ZNF878: variants seen among roughly 807,000 people sequenced by gnomAD.
The protein encoded by ZNF878 is zinc finger protein 878.
ZNF878 carries 10 observed loss-of-function variants against 11.1 expected under a neutral mutation model. The observed-to-expected ratio is 0.90, with a 90% CI of 0.56 to 1.53. The LOEUF is 1.53. Ranked by LOEUF, ZNF878 falls within the 40% of genes most tolerant of loss-of-function variation. The probability of loss-of-function intolerance (pLI) is 0.00; values close to 1 mark genes in which losing one functional copy is unlikely to be tolerated. For synonymous variants in ZNF878, 165 were observed against 209.7 expected (o/e 0.79, Z 1.84); for missense variants, 548 against 626.1 (o/e 0.88, Z 1.33).
Position 12,052,863 on chromosome 19 carries a change from G to C in ZNF878, c.-62C>G. ...GGTCCCGTGAACAGTGCAGGTCACA[G>C]CGCAGTCGACAGAGCAACAGCAGCT... is the stretch of plus-strand genomic sequence containing the variant. On this transcript the variant is annotated 5_prime_UTR_variant, in exon 1 of 4. Transcript: ENST00000547628. 1 of 1,533,538 alleles carries C rather than the reference G, an allele frequency of 6.5e-7. No individual in the cohort carries two copies. The highest frequency in any genetic ancestry group is 8.7e-7 in the Non-Finnish European group (1 of 1,145,518). The allele number at this position is 1,533,538 out of a possible 1,614,324, so 95.0% of individuals were successfully genotyped here.
chr19:12,045,108 C>G lies in ZNF878; in HGVS notation c.293G>C (p.Gly98Ala). 1 of 1,613,264 alleles carries G rather than the reference C, an allele frequency of 6.2e-7. No homozygotes were observed. The highest frequency in any genetic ancestry group is 8.5e-7 in the Non-Finnish European group (1 of 1,179,554). The change falls in exon 4 of 4, where the codon GGA (glycine) becomes GCA (alanine). Residue 98 changes from glycine to alanine, a missense_variant. Physicochemically the swap from Gly to Ala is moderately conservative, Grantham distance 60. Transcript: ENST00000547628. ...PDDTLKKKTP[G>A]VQSYESSVCG... ...CACACTGCTTTCATATGATTGTACT[C>G]CAGGAGTTTTCTTCTTCAGTGTGTC... is the stretch of plus-strand genomic sequence containing the variant.
Position 12,045,040 on chromosome 19 carries a change from G to C in ZNF878, c.361C>G (p.Leu121Val). Residue 121 changes from leucine (L) to valine (V), a missense_variant, in exon 4 of 4, where the codon CTC (leucine) becomes GTC (valine). Leu to Val is a conservative substitution (Grantham distance 32). Around this residue, in one of 3 missense-constraint regions of ZNF878, gnomAD observed 160 missense variants for 173.3 expected, o/e 0.92. Coordinates refer to ENST00000547628, the MANE Select transcript of ZNF878 (RefSeq NM_001080404.3). ...GIGLSSLNRH[L>V]RAFSYSSSLA... ...CTACTGGAATAACTAAAGGCTCTGAGGTGCCTATTAAGGGATGAAAGACCT... is the reference window on the plus strand; with the variant it reads ...CTACTGGAATAACTAAAGGCTCTGACGTGCCTATTAAGGGATGAAAGACCT... The C allele has an allele frequency of 1.9e-6, 3 of 1,614,044 alleles. No homozygotes were observed. Among genetic ancestry groups the C allele is most frequent in the Non-Finnish European group, 2.5e-6 (3 of 1,179,994 alleles).
intron 1 of ZNF878, among the ~76,000 whole-genome samples, chr19:12,050,010 A>G (rs1975535327): frequency 6.6e-6 from 1 of 152,068 alleles, no homozygotes; most frequent in Non-Finnish European, 1.5e-5. Flanking sequence ...AGATCACCTG[A>G]GATCAGGAGT....
intron 3 of ZNF878, 36 bp from the exon 4 acceptor site, chr19:12,045,245 C>G (rs761753623): frequency 1.3e-6 from 2 of 1,485,418 alleles, no homozygotes; most frequent in Admixed American, 4.6e-5. Context: ...ATGGGTTTAT[C>G]ACTAATTTTA....
In ZNF878 at chr19:12,051,376, G is replaced by A. The variant is rs568717063; in HGVS notation, c.3+1423C>T. 4.6e-5 allele frequency among the ~76,000 whole-genome samples: 7 copies of A among 151,864 alleles called. 1 individual carries two copies. The South Asian group carries it at 1.2e-3, about 27-fold the overall frequency. On this transcript the variant is annotated intron_variant, in intron 1 of 3. Transcript: ENST00000547628. ...ACTAATTAGTTGTATTAAATTAATTGTACAATTAATTTAGTTGTACTAATT... is the reference window on the plus strand; with the variant it reads ...ACTAATTAGTTGTATTAAATTAATTATACAATTAATTTAGTTGTACTAATT...
intron 3 of ZNF878, 87 bp downstream of exon 3, chr19:12,046,281 G>A (rs1046879382): frequency 2.9e-6 from 3 of 1,041,916 alleles, no homozygotes; most frequent in Admixed American, 5.5e-5. Context: ...AACTAGGTTT[G>A]TTTCTTATGC....
intron 1 of ZNF878, among the ~76,000 whole-genome samples, chr19:12,048,865 AAAAG>A (rs1975522173): frequency 1.3e-5 from 2 of 151,274 alleles, no homozygotes; most frequent in Admixed American, 6.6e-5. Context: ...AAAAGAAAAG[AAAAG>A]AAAGAAAGGC....
chr19:12,048,247 G>T lies in ZNF878; in HGVS notation c.4-1487C>A, dbSNP rs184435074. ...AATATGGCAGGCCTGGGCTGGGCGC[G>T]GTGGCTCATGCCTGTAATCCCAGCA... On this transcript the variant is annotated intron_variant, in intron 1 of 3. Coordinates refer to ENST00000547628, the MANE Select transcript of ZNF878 (RefSeq NM_001080404.3). Among the ~76,000 whole-genome samples, 301 of 151,108 alleles carry T rather than the reference G, an allele frequency of 2.0e-3. 2 individuals carry two copies. Among genetic ancestry groups the T allele is most frequent in the Middle Eastern group, 3.4e-3 (1 of 290 alleles).
rs528136140 is a variant in ZNF878, at chr19:12,050,727, C to T, written c.3+2072G>A. ...ATAGACTAACTTCCCTCTTACTTTT[C>T]TTACACAAAGACTTCATGGCCATCA... is the stretch of plus-strand genomic sequence containing the variant. On this transcript the variant is annotated intron_variant, in intron 1 of 3. Transcript: ENST00000547628. Among the ~76,000 whole-genome samples, 25 of 152,314 alleles carry T rather than the reference C, an allele frequency of 1.6e-4. No homozygotes were observed. In the East Asian group the frequency reaches 4.6e-3, roughly 28 times the overall value.
intron 2 of ZNF878, 55 bp downstream of exon 2, chr19:12,046,577 TGA>T: frequency 1.2e-6 from 2 of 1,608,828 alleles, no homozygotes; most frequent in Non-Finnish European, 1.7e-6. Context: ...ACAGCACTGA[TGA>T]GCTAGAAACA....
chr19:12,050,953 G>A (rs913696045), intron 1 of ZNF878, among the ~76,000 whole-genome samples: 1 of 151,852 alleles, frequency 6.6e-6, no homozygotes, highest in Non-Finnish European at 1.5e-5. Context: ...AAAATTAGCC[G>A]GGCGCGGTGG....
In ZNF878 at chr19:12,046,617, A is replaced by G. The variant is rs1343953466; in HGVS notation, c.130+17T>C. ...TGTTCTTTAATTCACTGAGGGAAGTAATACTGTCATTCTTACCTATGGAGG... is the reference window on the plus strand; with the variant it reads ...TGTTCTTTAATTCACTGAGGGAAGTGATACTGTCATTCTTACCTATGGAGG... On this transcript the variant is annotated intron_variant, in intron 2 of 3. Coordinates refer to ENST00000547628, the MANE Select transcript of ZNF878 (RefSeq NM_001080404.3). 1.2e-6 allele frequency: 2 copies of G among 1,613,912 alleles called. No homozygotes were observed. Among genetic ancestry groups the G allele is most frequent in the Non-Finnish European group, 8.5e-7 (1 of 1,179,906 alleles).
chr19:12,045,745 T>C (rs1409194191), intron 3 of ZNF878, among the ~76,000 whole-genome samples: 1 of 152,098 alleles, frequency 6.6e-6, no homozygotes, highest in East Asian at 1.9e-4. Flanking sequence ...TATTTATTTA[T>C]GAGACCAAGT....
chr19:12,043,895 A>T lies in ZNF878; in HGVS notation c.1506T>A (p.Thr502=). 6.2e-7 allele frequency: 1 copy of T among 1,613,756 alleles called. No individual in the cohort carries two copies. The highest frequency in any genetic ancestry group is 8.5e-7 in the Non-Finnish European group (1 of 1,179,916). The change falls in exon 4 of 4, where the codon ACT becomes ACA. Residue 502 remains threonine, a synonymous_variant. Coordinates refer to ENST00000547628, the MANE Select transcript of ZNF878 (RefSeq NM_001080404.3). ...GCTTACACTCATAGGGTTTCTCTCC[A>T]GTATGAATCCTTTCATGGTAGAGAA... ...NSFLYHERIH[T]GEKPYECKQC... is the part of the protein sequence containing the mutation.
intron 1 of ZNF878, among the ~76,000 whole-genome samples, chr19:12,047,117 G>T (rs76309713): frequency 2.6e-5 from 4 of 152,088 alleles, no homozygotes; most frequent in African/African-American, 9.7e-5. Flanking sequence ...CAAATTTAAC[G>T]TGAGCAGCCC....
rs962100656 is a variant in ZNF878 at position 12,044,695 on chromosome 19, A to C, written c.706T>G (p.Phe236Val). 1 of 1,613,992 alleles carries C rather than the reference A, an allele frequency of 6.2e-7. No homozygotes were observed. Among genetic ancestry groups the C allele is most frequent in the African/African-American group, 1.3e-5 (1 of 74,898 alleles). ...CTTTTTAACGAACTGGGAGAAAAAA[A>C]GGCTTTCCCACATATGTTACATTTA... ...PHKCNICGKA[F>V]FSPSSLKRHE... The change falls in exon 4 of 4, where the codon TTT becomes GTT. Residue 236 changes from phenylalanine to valine, a missense_variant. Phe to Val is a conservative substitution (Grantham distance 50). Around this residue, in one of 3 missense-constraint regions of ZNF878, gnomAD observed 335 missense variants for 358.2 expected, o/e 0.94. Transcript: ENST00000547628.
intron 3 of ZNF878, 66 bp downstream of exon 3, chr19:12,046,302 T>C (rs1393490119): frequency 2.4e-6 from 3 of 1,228,394 alleles, no homozygotes; most frequent in Non-Finnish European, 2.3e-6. Context: ...TTGCTTCTTT[T>C]TAACCTTTTC....
chr19:12,052,256 C>G (rs373437849), intron 1 of ZNF878, among the ~76,000 whole-genome samples: 31 of 152,286 alleles, frequency 2.0e-4, no homozygotes, highest in East Asian at 1.9e-3. Flanking sequence ...TTCCCTCAGC[C>G]GAGGTCTCTC....
intron 1 of ZNF878, among the ~76,000 whole-genome samples, chr19:12,050,965 G>A (rs7257355): frequency 0.097 from 14,557 of 150,048 alleles, 1,375 homozygotes; most frequent in African/African-American, 0.25. Flanking sequence ...GCGCGGTGGC[G>A]GGCGCCTGTA....
Sources: allele counts gnomAD v4.1 joint callset (sites outside exome capture counted in the v4.1 genomes callset), GRCh38; gene constraint gnomAD v4.1.1; regional missense constraint gnomAD v4.1.1; transcripts MANE v1.5; gene names NCBI Gene and HGNC (gene_info 2026-07-23, HGNC 2026-07-21).